The following RPH3A variants were observed in gnomAD, a reference collection of about 807,000 sequenced individuals.
RPH3A encodes the protein rabphilin-3A.
Under a neutral mutation model 102.2 loss-of-function variants are expected in RPH3A, and 48 were observed. The ratio of observed to expected loss-of-function variants is 0.47; its 90% CI spans 0.37 to 0.60. RPH3A has a LOEUF of 0.60. Ranked by LOEUF, RPH3A falls within the 20% of genes least tolerant of loss-of-function variation. The pLI is 0.00. For synonymous variants in RPH3A, 310 were observed against 324.3 expected, an observed-to-expected ratio of 0.96 and a Z score of 0.47; for missense variants, 781 against 910.1, an observed-to-expected ratio of 0.86 and a Z score of 1.83.
chr12:112,576,473 C>T (rs193220295), intron 1 of RPH3A, among the ~76,000 whole-genome samples: 435 of 152,344 alleles, frequency 2.9e-3, no homozygotes, highest in South Asian at 8.9e-3. Flanking sequence ...CCCGTCTCGG[C>T]CTCCCAAAGT....
chr12:112,648,025 C>A (rs954361761), intron 1 of RPH3A, among the ~76,000 whole-genome samples: 5 of 152,092 alleles, frequency 3.3e-5, no homozygotes, highest in Admixed American at 1.3e-4. Flanking sequence ...ATTAAAAAAT[C>A]AATTTGGTTT....
intron 2 of RPH3A, among the ~76,000 whole-genome samples, chr12:112,809,391 C>T (rs2041529214): frequency 6.6e-6 from 1 of 152,068 alleles, no homozygotes; most frequent in Non-Finnish European, 1.5e-5. Flanking sequence ...TTTAAAAGAA[C>T]ATTGCAGGCT....
At chr12:112,693,616 G>T (rs1397030100) in intron 1 of RPH3A, among the ~76,000 whole-genome samples, 3 of 152,002 alleles carry the variant, frequency 2.0e-5, no homozygotes, top group Non-Finnish European at 4.4e-5. Context: ...AGGTCCTTTT[G>T]TTTATTGCGT....
At chr12:112,772,922 A>G (rs970448083) in intron 1 of RPH3A, among the ~76,000 whole-genome samples, 6 of 151,968 alleles carry the variant, frequency 3.9e-5, no homozygotes, top group African/African-American at 1.5e-4. Flanking sequence ...AGTCCATTGT[A>G]TCATTCTTAT....
intron 8 of RPH3A, chr12:112,869,430 A>G (rs2042666831): frequency 4.0e-6 from 1 of 252,826 alleles, no homozygotes; most frequent in Non-Finnish European, 7.5e-6. Context: ...AGAATCACCA[A>G]ATTGCCAACA....
At chr12:112,750,295 T>C (rs2040778106) in intron 1 of RPH3A, among the ~76,000 whole-genome samples, 1 of 152,158 alleles carries the variant, frequency 6.6e-6, no homozygotes, top group Non-Finnish European at 1.5e-5. Flanking sequence ...AGTGGTTTAT[T>C]GGGAATGTGG....
chr12:112,824,744 G>C (rs1436110276), intron 2 of RPH3A, among the ~76,000 whole-genome samples: 1 of 152,164 alleles, frequency 6.6e-6, no homozygotes, highest in Non-Finnish European at 1.5e-5. Flanking sequence ...GGATGGAGCT[G>C]GGTGGTTTCC....
chr12:112,631,421 A>G (rs12297526), intron 1 of RPH3A, among the ~76,000 whole-genome samples: 117,661 of 152,050 alleles, frequency 0.77, 45,833 homozygotes, highest in East Asian at 0.89. Context: ...TCTGTTTTTC[A>G]ATGGGGTAAG....
At chr12:112,630,572 C>A (rs1321742647) in intron 1 of RPH3A, among the ~76,000 whole-genome samples, 2 of 152,188 alleles carry the variant, frequency 1.3e-5, no homozygotes, top group African/African-American at 2.4e-5. Flanking sequence ...GCAGAGCCTC[C>A]TGGGGAAAGT....
At chr12:112,833,430 A>G (rs1339005148) in intron 3 of RPH3A, among the ~76,000 whole-genome samples, 1 of 152,128 alleles carries the variant, frequency 6.6e-6, no homozygotes, top group Non-Finnish European at 1.5e-5. Context: ...TTTCATTCAT[A>G]ATTACTTGCG....
rs374377281 is a variant in RPH3A, at chr12:112,613,516, G to A, written c.-140+38197G>A. On this transcript the variant is annotated intron_variant, in intron 1 of 21. Coordinates refer to the RPH3A transcript ENST00000543106. ...TTCCAGCAAAAGGGACTTTGCAGAT[G>A]TGATTAAGGATCTTGAGATGTAGAG... Among the ~76,000 whole-genome samples the A allele has an allele frequency of 4.9e-4, 75 of 152,288 alleles. 1 individual carries two copies. The highest frequency in any genetic ancestry group is 1.6e-3 in the African/African-American group (67 of 41,556).
chr12:112,761,534 A>C (rs1592984788), intron 1 of RPH3A, among the ~76,000 whole-genome samples: 1 of 152,348 alleles, frequency 6.6e-6, no homozygotes, highest in African/African-American at 2.4e-5. Context: ...TCATGGAAAA[A>C]GTGATGCCGT....
intron 1 of RPH3A, among the ~76,000 whole-genome samples, chr12:112,662,455 A>C (rs967095642): frequency 6.6e-6 from 1 of 152,206 alleles, no homozygotes; most frequent in Non-Finnish European, 1.5e-5. Flanking sequence ...AAGCTCAGAG[A>C]GGTTGTGATG....
chr12:112,592,445 A>G (rs1255029305), intron 1 of RPH3A, among the ~76,000 whole-genome samples: 1 of 152,040 alleles, frequency 6.6e-6, no homozygotes, highest in Non-Finnish European at 1.5e-5. Flanking sequence ...CAGCTTCCCA[A>G]GTAGCTGGGA....
At chr12:112,895,486 A>G in intron 20 of RPH3A, 1 of 330,288 alleles carries the variant, frequency 3.0e-6, no homozygotes, top group South Asian at 6.6e-5. Context: ...GTTCATGGCC[A>G]TTTACCTACA....
At chr12:112,841,874 T>C (rs1164261772) in intron 4 of RPH3A, 3 of 453,766 alleles carry the variant, frequency 6.6e-6, no homozygotes, top group Admixed American at 4.7e-5. Context: ...TCAGCTAGGT[T>C]AGTTGGTCTC....
chr12:112,813,084 A>T (rs2136124403), intron 2 of RPH3A, among the ~76,000 whole-genome samples: 1 of 152,296 alleles, frequency 6.6e-6, no homozygotes, highest in Non-Finnish European at 1.5e-5. Flanking sequence ...TGTTTTTCTT[A>T]GAAGGAAAGA....
At chr12:112,757,090 T>G (rs1565871474) in intron 1 of RPH3A, among the ~76,000 whole-genome samples, 1 of 152,236 alleles carries the variant, frequency 6.6e-6, no homozygotes, top group Non-Finnish European at 1.5e-5. Flanking sequence ...TGTCTTTTTC[T>G]TATTGATTCC....
chr12:112,778,137 G>A (rs2040981492), intron 1 of RPH3A, among the ~76,000 whole-genome samples: 1 of 152,200 alleles, frequency 6.6e-6, no homozygotes, highest in African/African-American at 2.4e-5. Context: ...CACAAGAAGA[G>A]CCAGAGATGA....
Sources: allele counts gnomAD v4.1 joint callset (sites outside exome capture counted in the v4.1 genomes callset), GRCh38; gene constraint gnomAD v4.1.1; transcripts MANE v1.5; gene names NCBI Gene and HGNC (gene_info 2026-07-23, HGNC 2026-07-21).